The following IRGM variants were observed in gnomAD, a reference collection of about 807,000 sequenced individuals.
IRGM encodes immunity-related GTPase family M protein.
For missense variants in IRGM, 288 were observed against 219.9 expected (o/e 1.31, Z -1.96); for synonymous variants, 98 against 80.6 (o/e 1.22, Z -1.16).
intron 1 of IRGM, among the ~76,000 whole-genome samples, chr5:150,865,845 C>T (rs1195677462): frequency 6.6e-6 from 1 of 152,138 alleles, no homozygotes; most frequent in African/African-American, 2.4e-5. Flanking sequence ...CAGACTCTGC[C>T]TCCTGGGTTC....
chr5:150,869,407 C>G (rs117245140), intron 1 of IRGM, among the ~76,000 whole-genome samples: 2 of 152,024 alleles, frequency 1.3e-5, no homozygotes, highest in South Asian at 4.1e-4. Flanking sequence ...ATTTTTGTAT[C>G]TATGTTCATC....
intron 1 of IRGM, among the ~76,000 whole-genome samples, chr5:150,876,781 G>T (rs958486443): frequency 6.6e-6 from 1 of 152,174 alleles, no homozygotes; most frequent in Non-Finnish European, 1.5e-5. Flanking sequence ...AAGTCAAAGG[G>T]AATACAGAAT....
At chr5:150,900,703 A>G (rs1212482980) in exon 4 of IRGM, 1 of 152,120 alleles carries the variant, frequency 6.6e-6, no homozygotes, top group African/African-American at 2.4e-5. Context: ...ATGATTATAA[A>G]GAAAAAATAA....
intron 3 of IRGM, chr5:150,895,845 T>C: frequency 6.2e-7 from 1 of 1,613,682 alleles, no homozygotes; most frequent in Non-Finnish European, 8.5e-7. Context: ...AGTACATTCA[T>C]AAGGTTTTTC....
chr5:150,886,380 C>T (rs1294329864), intron 3 of IRGM, among the ~76,000 whole-genome samples: 1 of 151,792 alleles, frequency 6.6e-6, no homozygotes, highest in Non-Finnish European at 1.5e-5. Context: ...TGTGTCCTTG[C>T]CAAGTTTTGG....
intron 3 of IRGM, among the ~76,000 whole-genome samples, chr5:150,886,527 C>T (rs1055199172): frequency 4.6e-5 from 7 of 151,890 alleles, no homozygotes; most frequent in Non-Finnish European, 1.0e-4. Flanking sequence ...TCCATGAAGT[C>T]CTAGGCTTTT....
chr5:150,869,283 A>G (rs1224818529), intron 1 of IRGM, among the ~76,000 whole-genome samples: 1 of 152,126 alleles, frequency 6.6e-6, no homozygotes, highest in Middle Eastern at 3.2e-3. Context: ...TATCACATTT[A>G]TTGACTTGCA....
chr5:150,858,043 G>T (rs1754083484), intron 1 of IRGM, among the ~76,000 whole-genome samples: 1 of 152,146 alleles, frequency 6.6e-6, no homozygotes, highest in Non-Finnish European at 1.5e-5. Flanking sequence ...TTCTTCTAGG[G>T]TTTTTATGGT....
downstream of IRGM, among the ~76,000 whole-genome samples, chr5:150,851,302 G>A (rs1192008125): frequency 6.6e-6 from 1 of 152,152 alleles, no homozygotes; most frequent in African/African-American, 2.4e-5. Context: ...GGTGTTGCAT[G>A]CACTCCATCT....
intron 1 of IRGM, among the ~76,000 whole-genome samples, chr5:150,866,362 C>T (rs1754209273): frequency 6.6e-6 from 1 of 152,170 alleles, no homozygotes; most frequent in South Asian, 2.1e-4. Flanking sequence ...AAACTGCTTC[C>T]TCCATGGCAC....
At chr5:150,867,821 G>A (rs1754228648) in intron 1 of IRGM, among the ~76,000 whole-genome samples, 1 of 150,266 alleles carries the variant, frequency 6.7e-6, no homozygotes, top group Admixed American at 6.6e-5. Context: ...CGTATTGATG[G>A]GATTATTTGT....
At chr5:150,901,408 T>C (rs576193382), downstream of IRGM, among the ~76,000 whole-genome samples, 12 of 152,250 alleles carry the variant, frequency 7.9e-5, no homozygotes, top group African/African-American at 2.6e-4. Flanking sequence ...AAATCTGGTA[T>C]GTACTTAACA....
At chr5:150,875,263 A>G (rs1561747403) in intron 1 of IRGM, among the ~76,000 whole-genome samples, 1 of 152,084 alleles carries the variant, frequency 6.6e-6, no homozygotes, top group African/African-American at 2.4e-5. Flanking sequence ...CAGCAATACA[A>G]CCTCTTTCTA....
intron 3 of IRGM, chr5:150,896,817 T>G (rs763534878): frequency 1.2e-6 from 2 of 1,613,690 alleles, no homozygotes; most frequent in Non-Finnish European, 1.7e-6. Context: ...GAGTTTGTCT[T>G]GATTCTCTAG....
At chr5:150,862,760 G>A (rs113907166) in intron 1 of IRGM, among the ~76,000 whole-genome samples, 4 of 152,174 alleles carry the variant, frequency 2.6e-5, no homozygotes, top group African/African-American at 2.4e-5. Context: ...GACTGGCCCT[G>A]CTAAACTAAG....
chr5:150,886,784 T>A (rs1754531287), intron 3 of IRGM, among the ~76,000 whole-genome samples: 1 of 152,038 alleles, frequency 6.6e-6, no homozygotes. Flanking sequence ...ATTTTGATGT[T>A]TCCTCTTTTT....
intron 2 of IRGM, among the ~76,000 whole-genome samples, chr5:150,878,823 AT>A (rs1754404438): frequency 1.3e-5 from 2 of 151,734 alleles, no homozygotes; most frequent in East Asian, 3.9e-4. Flanking sequence ...AATAATTATT[AT>A]TGTCTCTTAG....
chr5:150,861,425 A>C (rs1343255177), intron 1 of IRGM, among the ~76,000 whole-genome samples: 1 of 152,230 alleles, frequency 6.6e-6, no homozygotes, highest in Non-Finnish European at 1.5e-5. Flanking sequence ...ACTTCACAGC[A>C]TTCTACATTC....
chr5:150,849,909 C>T (rs949010293), downstream of IRGM, among the ~76,000 whole-genome samples: 4 of 152,034 alleles, frequency 2.6e-5, no homozygotes, highest in African/African-American at 9.7e-5. Flanking sequence ...CTGGCCACCA[C>T]ATATATTTTA....
Sources: allele counts gnomAD v4.1 joint callset (sites outside exome capture counted in the v4.1 genomes callset), GRCh38; gene constraint gnomAD v4.1.1; transcripts MANE v1.5; gene names NCBI Gene and HGNC (gene_info 2026-07-23, HGNC 2026-07-21).